PGAP6: variants seen among roughly 807,000 people sequenced by gnomAD.
PGAP6 encodes post-GPI attachment to proteins factor 6.
In PGAP6, 62 loss-of-function variants were observed where a neutral mutation model predicts 68.4. That is an observed-to-expected ratio of 0.91 (90% CI 0.74 to 1.12). The LOEUF (loss-of-function observed/expected upper bound fraction) is 1.12, where lower values mean the gene tolerates loss of function less well. Ranked by LOEUF, PGAP6 falls within the 50% of genes most tolerant of loss-of-function variation. The pLI is 0.00. For synonymous variants in PGAP6, 575 were observed against 474.0 expected, an observed-to-expected ratio of 1.21 and a Z score of -2.77; for missense variants, 1,188 against 1,068.5, an observed-to-expected ratio of 1.11 and a Z score of -1.56.
chr16:376,862 G>T (rs1296822762), intron 4 of PGAP6, 50 bp from the exon 5 acceptor site: 1 of 1,592,076 alleles, frequency 6.3e-7, no homozygotes, highest in Non-Finnish European at 8.5e-7. Context: ...CCTCAGCCCA[G>T]GGACGCAGCG....
Position 377,917 on chromosome 16 carries a change from C to T in PGAP6, c.122-69G>A, listed in dbSNP as rs2054401763. On this transcript the variant is annotated intron_variant, in intron 1 of 12. Coordinates refer to ENST00000431232, the MANE Select transcript of PGAP6 (RefSeq NM_021259.3). ...AGGGCCGCAGATGGGGAGGACGAGT[C>T]CCCCAGATGGAAAGGGCTGGAAGCC... The T allele has an allele frequency of 3.6e-6, 5 of 1,398,238 alleles. No homozygotes were observed. The African/African-American group carries it at 7.2e-5, about 20-fold the overall frequency. The allele number at this position is 1,398,238 out of a possible 1,614,324, so 86.6% of individuals were successfully genotyped here. A position where few individuals can be genotyped will look rare whatever the true frequency, so the allele number is the denominator to read the frequency against.
At position 374,105 on chromosome 16, in the gene PGAP6, A is replaced by C. The variant is rs769640922; in HGVS notation, c.1802T>G (p.Leu601Arg). The change falls in exon 11 of 13, where the codon CTC becomes CGC. Residue 601 changes from leucine (L) to arginine (R), a missense_variant. Transcript: ENST00000431232. ...GCAGTACTGCAGCGTGTCGTAGCTG[A>C]GGATGCACAGCACCGCCTCCCCGGG... ...DQPGEAVLCI[L>R]SYDTLQYCDF... 1.2e-6 allele frequency: 2 copies of C among 1,611,808 alleles called. No homozygotes were observed. The highest frequency in any genetic ancestry group is 1.1e-5 in the South Asian group (1 of 91,090).
upstream of PGAP6, chr16:382,276 C>T (rs2054450901): frequency 5.1e-6 from 2 of 392,774 alleles, no homozygotes; most frequent in Admixed American, 4.4e-5. Context: ...GCTTCCCCGC[C>T]GGTTCGCTGA....
At position 372,047 on chromosome 16, in the gene PGAP6, T is replaced by C. The variant is rs142083043; in HGVS notation, c.2256A>G (p.Lys752=). 3.9e-4 allele frequency: 621 copies of C among 1,612,322 alleles called. No individual in the cohort carries two copies. Among genetic ancestry groups the C allele is most frequent in the Non-Finnish European group, 3.2e-4 (381 of 1,179,902 alleles). ...TGCAGATCTGATAGTGGCAGGGGAA[T>C]TTCTGCGAGCAGGCCCAGGGCTCGG... is the stretch of plus-strand genomic sequence containing the variant. ...QPAEPWACSQ[K]FPCHYQICKN... Residue 752 remains lysine, a synonymous_variant, in exon 13 of 13, where the codon AAA becomes AAG. Transcript: ENST00000431232.
At position 375,524 on chromosome 16, in the gene PGAP6, G is replaced by A. The variant is rs2054374683; in HGVS notation, c.1225-89C>T. The A allele has an allele frequency of 4.5e-6, 5 of 1,109,064 alleles. No individual in the cohort carries two copies. In the African/African-American group the frequency reaches 4.8e-5, roughly 11 times the overall value. The allele number at this position is 1,109,064 out of a possible 1,614,324, so 68.7% of individuals were successfully genotyped here. Reference sequence around the variant, plus strand: ...CCACGTGCCAGCTCAGCCTGGTGCTGGTGCCTTTCTTTTTTTTTTTTTTTC... The same window carrying A: ...CCACGTGCCAGCTCAGCCTGGTGCTAGTGCCTTTCTTTTTTTTTTTTTTTC... On this transcript the variant is annotated intron_variant, in intron 6 of 12. Transcript: ENST00000431232.
At position 375,379 on chromosome 16, in the gene PGAP6, G is replaced by T. The variant is rs772437791; in HGVS notation, c.1281C>A (p.Phe427Leu). The change falls in exon 7 of 13, where the codon TTC becomes TTA. Residue 427 changes from phenylalanine to leucine, a missense_variant. Coordinates refer to ENST00000431232, the MANE Select transcript of PGAP6 (RefSeq NM_021259.3). ...VVACVNAASP[F>L]LGFNTSLNCT... ...AGTTGAGCGAAGTATTGAAGCCAAG[G>T]AAGGGCGAGGCAGCATTCACGCAGG... is the stretch of plus-strand genomic sequence containing the variant. 1.2e-6 allele frequency: 2 copies of T among 1,612,924 alleles called. No individual in the cohort carries two copies. Among genetic ancestry groups the T allele is most frequent in the Non-Finnish European group, 1.7e-6 (2 of 1,179,984 alleles).
chr16:382,130 G>T (rs1046549607), upstream of PGAP6: 1 of 374,148 alleles, frequency 2.7e-6, no homozygotes, highest in Non-Finnish European at 4.7e-6. Context: ...GGGACGGACC[G>T]GGGCGCGCGC....
rs1023453829 is a variant in PGAP6 at position 371,192 on chromosome 16, G to A, written c.*795C>T. 1 of 152,248 alleles carries A rather than the reference G, an allele frequency of 6.6e-6. No individual in the cohort carries two copies. The highest frequency in any genetic ancestry group is 1.5e-5 in the Non-Finnish European group (1 of 68,082). The allele number at this position is 152,248 out of a possible 1,614,324, so 9.4% of individuals were successfully genotyped here. A position where few individuals can be genotyped will look rare whatever the true frequency, so the allele number is the denominator to read the frequency against. ...CAGTCCAGTCTCCTGAACACCCACAGGGCACAGAGCCCAGTGCAGGGGGCA... is the reference window on the plus strand; with the variant it reads ...CAGTCCAGTCTCCTGAACACCCACAAGGCACAGAGCCCAGTGCAGGGGGCA... On this transcript the variant is annotated 3_prime_UTR_variant, in exon 13 of 13. Coordinates refer to ENST00000431232, the MANE Select transcript of PGAP6 (RefSeq NM_021259.3).
In PGAP6 at chr16:374,860, G is replaced by A. The variant is rs2054367054; in HGVS notation, c.1472C>T (p.Thr491Ile). The change falls in exon 9 of 13, where the codon ACC (threonine) becomes ATC (isoleucine). Residue 491 changes from threonine (T) to isoleucine (I), a missense_variant. Transcript: ENST00000431232. The part of the protein sequence containing the change: ...DCEQAVVHVE[T>I]TLYLVPCLND... ...CAAACAGGGCACCAGGTACAAGGTG[G>A]TCTCCACGTGGACCACAGCCTGCTC... The A allele has an allele frequency of 6.2e-7, 1 of 1,612,860 alleles. No homozygotes were observed. Among genetic ancestry groups the A allele is most frequent in the Non-Finnish European group, 8.5e-7 (1 of 1,179,964 alleles).
At chr16:380,962 C>T (rs113021870) in intron 1 of PGAP6, among the ~76,000 whole-genome samples, 4 of 152,236 alleles carry the variant, frequency 2.6e-5, no homozygotes, top group African/African-American at 9.6e-5. Context: ...AAGTCCTCAC[C>T]ATCTCAGGGT....
At chr16:386,728 A>ACC (rs1567329304), upstream of PGAP6, 34 of 90,274 alleles carry the variant, frequency 3.8e-4, no homozygotes, top group African/African-American at 1.1e-3. Flanking sequence ...AAAAAAACCA[A>ACC]AAAAAAAAAA....
chr16:381,888 G>A lies in PGAP6; in HGVS notation c.-67C>T. The A allele has an allele frequency of 2.1e-6, 2 of 971,596 alleles. No homozygotes were observed. Among genetic ancestry groups the A allele is most frequent in the Non-Finnish European group, 1.2e-6 (1 of 821,482 alleles). 60.2% of individuals were successfully genotyped at this position (971,596 alleles called of 1,614,324 possible). A position where few individuals can be genotyped will look rare whatever the true frequency, so the allele number is the denominator to read the frequency against. ...GCCGCCGGCCCCCGCCGCCGCCCGG[G>A]CAGCCTCTGCCGCCTCCGCCTCTGC... On this transcript the variant is annotated 5_prime_UTR_variant, in exon 1 of 13. Coordinates refer to ENST00000431232, the MANE Select transcript of PGAP6 (RefSeq NM_021259.3).
chr16:381,861 GCGCCGCCGGCCCC>G lies in PGAP6; in HGVS notation c.-53_-41del, dbSNP rs1376008864. The stretch of plus-strand genomic sequence containing the variant: ...CCCGGCGCTACCCGGCCCGCGTCCC[GCGCCGCCGGCCCC>G]CGCCGCCGCCCGGGCAGCCTCTGCC... On this transcript the variant is annotated 5_prime_UTR_variant, in exon 1 of 13. It removes the in-frame stop codon of an upstream open reading frame in the 5' UTR. Coordinates refer to ENST00000431232, the MANE Select transcript of PGAP6 (RefSeq NM_021259.3). 1.0e-5 allele frequency: 10 copies of G among 982,022 alleles called. No homozygotes were observed. The East Asian group carries it at 4.5e-4, about 44-fold the overall frequency. 60.8% of individuals were successfully genotyped at this position (982,022 alleles called of 1,614,324 possible). A position where few individuals can be genotyped will look rare whatever the true frequency, so the allele number is the denominator to read the frequency against.
At position 381,823 on chromosome 16, in the gene PGAP6, G is replaced by C; in HGVS notation, c.-2C>G. 1 of 1,075,896 alleles carries C rather than the reference G, an allele frequency of 9.3e-7. No homozygotes were observed. The highest frequency in any genetic ancestry group is 1.1e-6 in the Non-Finnish European group (1 of 889,176). 66.6% of individuals were successfully genotyped at this position (1,075,896 alleles called of 1,614,324 possible). The stretch of plus-strand genomic sequence containing the variant: ...GGTCCCGGTGCCAGCCCGGCCCATG[G>C]CTCCGCGCTCGGCCCGGCGCTACCC... On this transcript the variant is annotated 5_prime_UTR_variant, in exon 1 of 13. Transcript: ENST00000431232.
At position 372,686 on chromosome 16, in the gene PGAP6, C is replaced by T. The variant is rs1167052770; in HGVS notation, c.1944G>A (p.Leu648=). The change falls in exon 12 of 13, where the codon TTG becomes TTA. Residue 648 remains leucine, a synonymous_variant. Coordinates refer to ENST00000431232, the MANE Select transcript of PGAP6 (RefSeq NM_021259.3). ...LLGTLVIAMS[L]QLDRRGMWNM... is the part of the protein sequence containing the mutation. ...TCCACATGCCCCTGCGGTCCAGCTG[C>T]AAGGACATGGCGATGACCAGTGTAC... 3 of 1,612,444 alleles carry T rather than the reference C, an allele frequency of 1.9e-6. No individual in the cohort carries two copies. The Admixed American group carries it at 5.0e-5, about 27-fold the overall frequency.
upstream of PGAP6, chr16:386,784 G>A (rs1463205448): frequency 8.6e-6 from 5 of 578,560 alleles, no homozygotes; most frequent in Non-Finnish European, 1.3e-5. Context: ...AGCAAAGAAG[G>A]AAGCTCCTGC....
At chr16:379,516 G>A (rs558231279) in intron 1 of PGAP6, among the ~76,000 whole-genome samples, 2 of 152,370 alleles carry the variant, frequency 1.3e-5, no homozygotes, top group South Asian at 2.1e-4. Context: ...AGTGCTGGGA[G>A]CTGAAGCAGG....
rs200878430 is a variant in PGAP6, at chr16:372,571, G to C, written c.2019+40C>G. The C allele has an allele frequency of 2.0e-6, 3 of 1,497,692 alleles. No homozygotes were observed. The South Asian group carries it at 3.4e-5, about 17-fold the overall frequency. The allele number at this position is 1,497,692 out of a possible 1,614,324, so 92.8% of individuals were successfully genotyped here. On this transcript the variant is annotated intron_variant, in intron 12 of 12. Coordinates refer to ENST00000431232, the MANE Select transcript of PGAP6 (RefSeq NM_021259.3). Reference sequence around the variant, plus strand: ...AGCAAGGGGCCAGGCTCTCTTCTCCGAGCACCTGGGCAGCAGTGCCAGCCA... The same window carrying C: ...AGCAAGGGGCCAGGCTCTCTTCTCCCAGCACCTGGGCAGCAGTGCCAGCCA...
intron 1 of PGAP6, among the ~76,000 whole-genome samples, chr16:380,293 G>A (rs1353237132): frequency 6.6e-6 from 1 of 152,142 alleles, no homozygotes; most frequent in African/African-American, 2.4e-5. Context: ...ACGGCTCACC[G>A]CAGCCTCAGC....
Sources: allele counts gnomAD v4.1 joint callset (sites outside exome capture counted in the v4.1 genomes callset), GRCh38; gene constraint gnomAD v4.1.1; transcripts MANE v1.5; gene names NCBI Gene and HGNC (gene_info 2026-07-23, HGNC 2026-07-21).